Variants in DNAH17 observed in about 807,000 individuals in gnomAD.
DNAH17 encodes axonemal beta dynein heavy chain 17.
In DNAH17, 376 loss-of-function variants were observed where a neutral mutation model predicts 485.6. The observed-to-expected ratio is 0.77, with a 90% CI of 0.71 to 0.84. The LOEUF (loss-of-function observed/expected upper bound fraction) is 0.84, where lower values mean the gene tolerates loss of function less well. Ranked by LOEUF, DNAH17 falls within the 40% of genes least tolerant of loss-of-function variation. The pLI is 0.00. For synonymous variants in DNAH17, 3,031 were observed against 2,405.9 expected (o/e 1.26, Z -7.60); for missense variants, 6,370 against 5,839.3 (o/e 1.09, Z -2.96).
At chr17:78,563,056 A>G (rs1304633252) in intron 11 of DNAH17, among the ~76,000 whole-genome samples, 10 of 152,252 alleles carry the variant, frequency 6.6e-5, no homozygotes, top group Admixed American at 6.5e-4. Flanking sequence ...AGAAATGGCC[A>G]CAGGAGGAAA....
At chr17:78,560,037 C>T (rs528260383) in intron 13 of DNAH17, among the ~76,000 whole-genome samples, 67 of 152,178 alleles carry the variant, frequency 4.4e-4, no homozygotes, top group Non-Finnish European at 8.1e-4. Flanking sequence ...CTCTTCCTTC[C>T]GCGGAACCTG....
rs1207646158 is a variant in DNAH17, at chr17:78,507,614, C to T, written c.4428G>A (p.Gln1476=). The T allele has an allele frequency of 6.2e-7, 1 of 1,614,154 alleles. No homozygotes were observed. The highest frequency in any genetic ancestry group is 8.5e-7 in the Non-Finnish European group (1 of 1,180,028). ...AHFLKEVTSW[Q]QKLSTADSVI... ...CGGAGTCCGCCGTGGACAGCTTCTG[C>T]TGCCAGCTTGTCACCTCCTTCAGGA... Residue 1476 remains glutamine, a synonymous_variant, in exon 28 of 81, where the codon CAG becomes CAA. Coordinates refer to ENST00000389840, the MANE Select transcript of DNAH17 (RefSeq NM_173628.4).
chr17:78,576,283 C>CTAT (rs2092431356), intron 1 of DNAH17, among the ~76,000 whole-genome samples: 2 of 152,142 alleles, frequency 1.3e-5, no homozygotes, highest in South Asian at 4.1e-4. Context: ...ATCGGCAAAA[C>CTAT]AACTATATGA....
At chr17:78,474,843 C>CA (rs2088933429) in intron 54 of DNAH17, among the ~76,000 whole-genome samples, 1 of 150,004 alleles carries the variant, frequency 6.7e-6, no homozygotes, top group East Asian at 2.0e-4. Context: ...TCACTCTCTT[C>CA]ACCTCAGTCA....
chr17:78,454,323 C>A (rs1443750514), intron 64 of DNAH17, 147 bp downstream of exon 64: 1 of 627,776 alleles, frequency 1.6e-6, no homozygotes, highest in African/African-American at 1.8e-5. Context: ...TTCTTTACTA[C>A]TGCTGCTGTT....
intron 17 of DNAH17, 102 bp downstream of exon 17, chr17:78,543,755 G>A (rs1041957582): frequency 1.1e-5 from 17 of 1,535,390 alleles, no homozygotes; most frequent in East Asian, 6.7e-5. Flanking sequence ...TACAAGAAAT[G>A]TGTCACTAAT....
At chr17:78,464,275 T>A (rs1202167786) in intron 56 of DNAH17, among the ~76,000 whole-genome samples, 1 of 152,208 alleles carries the variant, frequency 6.6e-6, no homozygotes, top group Non-Finnish European at 1.5e-5. Context: ...TTTTTGTTTT[T>A]TTGAGATGGA....
At chr17:78,470,511 A>T (rs2088699146) in intron 54 of DNAH17, among the ~76,000 whole-genome samples, 1 of 151,968 alleles carries the variant, frequency 6.6e-6, no homozygotes, top group Non-Finnish European at 1.5e-5. Context: ...CAACATGGTG[A>T]AACCCCATCT....
chr17:78,571,533 G>C, intron 4 of DNAH17, 57 bp downstream of exon 4: 1 of 1,596,884 alleles, frequency 6.3e-7, no homozygotes, highest in South Asian at 1.1e-5. Flanking sequence ...CGGAGAGCTC[G>C]GCCCGGTCGC....
chr17:78,449,923 G>A (rs932006715), intron 68 of DNAH17: 8 of 435,764 alleles, frequency 1.8e-5, no homozygotes, highest in Non-Finnish European at 2.9e-5. Flanking sequence ...TGATCCACCC[G>A]CCTCGGCCCC....
chr17:78,454,386 C>G (rs534743968), intron 64 of DNAH17, 84 bp downstream of exon 64: 1 of 1,042,990 alleles, frequency 9.6e-7, no homozygotes, highest in South Asian at 1.5e-5. Flanking sequence ...AAAGACCCAC[C>G]CATCCATTGA....
chr17:78,557,665 T>TAAAAAAAAAAAAAAA (rs2092056440), intron 14 of DNAH17, among the ~76,000 whole-genome samples: 3 of 88,600 alleles, frequency 3.4e-5, no homozygotes, highest in African/African-American at 4.3e-5. Context: ...AAAAAAAAAG[T>TAAAAAAAAAAAAAAA]AACGTAAGCC....
At chr17:78,504,290 C>T (rs111236730) in intron 31 of DNAH17, among the ~76,000 whole-genome samples, 13,826 of 152,080 alleles carry the variant, frequency 0.091, 677 homozygotes, top group South Asian at 0.12. Flanking sequence ...GTCTTGAACT[C>T]CCGACCTCAG....
At chr17:78,463,204 A>C (rs746430810) in intron 56 of DNAH17, 127 bp from the exon 57 acceptor site, 34 of 800,334 alleles carry the variant, frequency 4.2e-5, no homozygotes, top group Non-Finnish European at 6.5e-5. Flanking sequence ...CAGTGTCTTC[A>C]ACTGCCCAAA....
At position 78,507,556 on chromosome 17, in the gene DNAH17, A is replaced by G; in HGVS notation, c.4486T>C (p.Trp1496Arg). 1 of 1,614,066 alleles carries G rather than the reference A, an allele frequency of 6.2e-7. No homozygotes were observed. Among genetic ancestry groups the G allele is most frequent in the Non-Finnish European group, 8.5e-7 (1 of 1,179,898 alleles). ...ATGAAGATGCTCTCCAGGTGGCTCC[A>G]GGTTCGCTGGACCTCAAACCAGATG... ...ISIWFEVQRT[W>R]SHLESIFIGS... is the part of the protein sequence containing the mutation. Residue 1496 changes from tryptophan to arginine, a missense_variant, in exon 28 of 81, where the codon TGG becomes CGG. By Grantham distance (101) the Trp-to-Arg change is moderately radical. Coordinates refer to ENST00000389840, the MANE Select transcript of DNAH17 (RefSeq NM_173628.4).
At chr17:78,541,236 T>G (rs1374589168) in intron 17 of DNAH17, among the ~76,000 whole-genome samples, 1 of 8,432 alleles carries the variant, frequency 1.2e-4, no homozygotes, top group Non-Finnish European at 1.9e-4. Context: ...AGCGGATGGG[T>G]GGGTGGGGGG....
intron 27 of DNAH17, 105 bp downstream of exon 27, chr17:78,510,279 G>A: frequency 2.0e-6 from 3 of 1,522,752 alleles, no homozygotes; most frequent in Non-Finnish European, 1.8e-6. Context: ...GACTTCCCGT[G>A]AGAGCCTTGG....
intron 75 of DNAH17, among the ~76,000 whole-genome samples, chr17:78,432,179 A>AAT (rs1568042366): frequency 6.7e-6 from 1 of 149,640 alleles, no homozygotes; most frequent in Admixed American, 6.8e-5. Flanking sequence ...CCCTGTCTCA[A>AAT]AAATAAATAA....
At chr17:78,533,748 G>A (rs563526218) in intron 19 of DNAH17, among the ~76,000 whole-genome samples, 2 of 152,230 alleles carry the variant, frequency 1.3e-5, no homozygotes, top group East Asian at 1.9e-4. Context: ...GCAGTGGCCC[G>A]ATCTCAGCTC....
Sources: gnomAD v4.1 joint callset for allele counts (sites outside exome capture counted in the v4.1 genomes callset) on GRCh38, gnomAD v4.1.1 for gene constraint, MANE v1.5 for transcripts, NCBI Gene and HGNC (gene_info 2026-07-23, HGNC 2026-07-21) for gene names.